The following CENPP variants were observed in gnomAD, a reference collection of about 807,000 sequenced individuals.
CENPP encodes centromere protein P.
A neutral mutation model predicts 35.6 loss-of-function variants in CENPP; 24 were observed. The observed-to-expected ratio is 0.67, with a 90% confidence interval of 0.49 to 0.95. The LOEUF (loss-of-function observed/expected upper bound fraction) is 0.95, where lower values mean the gene tolerates loss of function less well. Among genes scored for constraint, CENPP ranks in the 40% least tolerant of loss-of-function variants. CENPP has a pLI of 0.00. For missense variants in CENPP, 332 were observed against 345.3 expected (o/e 0.96, Z 0.31); for synonymous variants, 120 against 125.5 (o/e 0.96, Z 0.29).
At chr9:92,473,580 C>A (rs879296644) in intron 5 of CENPP, among the ~76,000 whole-genome samples, 1 of 152,176 alleles carries the variant, frequency 6.6e-6, no homozygotes, top group African/African-American at 2.4e-5. Context: ...TTTCCACAGT[C>A]GTTCTACATG....
At chr9:92,483,479 C>T (rs920851496) in intron 5 of CENPP, among the ~76,000 whole-genome samples, 3 of 152,166 alleles carry the variant, frequency 2.0e-5, no homozygotes, top group Non-Finnish European at 2.9e-5. Flanking sequence ...CTGCCCGCCT[C>T]GGCCTCCCAA....
chr9:92,338,822 T>A (rs1841015838), intron 3 of CENPP, among the ~76,000 whole-genome samples: 1 of 152,156 alleles, frequency 6.6e-6, no homozygotes, highest in Admixed American at 6.5e-5. Flanking sequence ...TCCTTGGGGC[T>A]GGATGATCTT....
At chr9:92,569,196 G>C (rs1051284763) in intron 5 of CENPP, among the ~76,000 whole-genome samples, 2 of 152,112 alleles carry the variant, frequency 1.3e-5, no homozygotes, top group Non-Finnish European at 2.9e-5. Flanking sequence ...TTTTCTTCTA[G>C]GATTATTATG....
intron 5 of CENPP, among the ~76,000 whole-genome samples, chr9:92,452,962 T>G (rs563369097): frequency 5.3e-5 from 8 of 152,346 alleles, no homozygotes; most frequent in East Asian, 1.9e-4. Flanking sequence ...TTATCATTTT[T>G]TATTGCGTCT....
At chr9:92,533,329 ATATATATATATAT>A (rs1314097300) in intron 5 of CENPP, among the ~76,000 whole-genome samples, 2 of 43,536 alleles carry the variant, frequency 4.6e-5, no homozygotes, top group Non-Finnish European at 8.1e-5. Context: ...AAAAAAAAAA[ATATATATATATAT>A]ATATATATAT....
At chr9:92,565,634 G>T (rs1296633812) in intron 5 of CENPP, among the ~76,000 whole-genome samples, 1 of 152,172 alleles carries the variant, frequency 6.6e-6, no homozygotes, top group Non-Finnish European at 1.5e-5. Context: ...CAGACAAAGA[G>T]GTAGGTGACT....
At chr9:92,439,390 A>T (rs987155383) in intron 5 of CENPP, among the ~76,000 whole-genome samples, 1 of 151,970 alleles carries the variant, frequency 6.6e-6, no homozygotes, top group Non-Finnish European at 1.5e-5. Context: ...ATATATTTTT[A>T]AAATATGTGG....
At chr9:92,385,655 A>T (rs761238983) in intron 5 of CENPP, 1 of 1,614,206 alleles carries the variant, frequency 6.2e-7, no homozygotes, top group South Asian at 1.1e-5. Context: ...CTTTTTAAGC[A>T]AATAAAACTG....
chr9:92,554,213 C>T (rs1320850994), intron 5 of CENPP, among the ~76,000 whole-genome samples: 1 of 148,210 alleles, frequency 6.7e-6, no homozygotes, highest in Non-Finnish European at 1.5e-5. Context: ...GACGGAGTTT[C>T]GCTCTTATTG....
At chr9:92,336,145 T>C (rs764946013) in intron 2 of CENPP, among the ~76,000 whole-genome samples, 9 of 152,362 alleles carry the variant, frequency 5.9e-5, no homozygotes, top group African/African-American at 1.2e-4. Context: ...ACTTGTATTA[T>C]AGATTGTTCT....
At chr9:92,496,526 T>C (rs2131135165) in intron 5 of CENPP, 1 of 1,581,186 alleles carries the variant, frequency 6.3e-7, no homozygotes, top group East Asian at 2.3e-5. Context: ...GTCCCAGTAA[T>C]AATCTGCCTT....
intron 5 of CENPP, chr9:92,401,240 TA>T: frequency 1.2e-6 from 1 of 804,170 alleles, no homozygotes. Context: ...TGTTTCTCTG[TA>T]AAATGAAGGG....
intron 5 of CENPP, chr9:92,384,720 A>C (rs1842356090): frequency 6.6e-6 from 1 of 152,122 alleles, no homozygotes; most frequent in Non-Finnish European, 1.5e-5. Flanking sequence ...GCACCACAGA[A>C]TATTCTGTTT....
At chr9:92,329,182 C>CTTT (rs11366828) in intron 1 of CENPP, among the ~76,000 whole-genome samples, 3 of 104,430 alleles carry the variant, frequency 2.9e-5, no homozygotes, top group Admixed American at 9.6e-5. Flanking sequence ...ATATTTATGG[C>CTTT]TTTTTTTTTT....
rs1844394915 is a variant in CENPP, at chr9:92,441,718, CA to C, written c.564+61860del. The stretch of plus-strand genomic sequence containing the variant: ...AGGTTGCAGTGAGCCGAGATCGCGC[CA>C]CTGCACTCCAGCCTAGGTGCCAGAG... On this transcript the variant is annotated intron_variant, in intron 5 of 7. Coordinates refer to ENST00000375587, the MANE Select transcript of CENPP (RefSeq NM_001012267.3). Among the ~76,000 whole-genome samples the C allele has an allele frequency of 2.0e-5, 3 of 152,162 alleles. No homozygotes were observed. The South Asian group carries it at 6.2e-4, about 32-fold the overall frequency.
chr9:92,447,764 T>C (rs2131014919), intron 5 of CENPP, among the ~76,000 whole-genome samples: 1 of 152,190 alleles, frequency 6.6e-6, no homozygotes, highest in African/African-American at 2.4e-5. Flanking sequence ...TGGTTGTCCG[T>C]AGAGATGCAG....
rs2130819747 is a variant in CENPP at position 92,353,893 on chromosome 9, T to C, written c.467+8106T>C. Among the ~76,000 whole-genome samples, 5 of 152,322 alleles carry C rather than the reference T, an allele frequency of 3.3e-5. No individual in the cohort carries two copies. In the South Asian group the frequency reaches 1.0e-3, roughly 32 times the overall value. ...ATATATTGGATGCTGATTCAGAGCA[T>C]ACATGGCCTTCTGGAGAGATTTGCC... On this transcript the variant is annotated intron_variant, in intron 4 of 7. Transcript: ENST00000375587.
rs371838317 is a variant in CENPP at position 92,325,966 on chromosome 9, C to A, written c.-33C>A. On this transcript the variant is annotated 5_prime_UTR_variant, in exon 1 of 8. Transcript: ENST00000375587. Reference sequence around the variant, plus strand: ...AGCGCGCAGGTCGGAGTGACAGCTGCGCTGCCGGCCCGGCTGCGGTCAGCA... The same window carrying A: ...AGCGCGCAGGTCGGAGTGACAGCTGAGCTGCCGGCCCGGCTGCGGTCAGCA... The A allele has an allele frequency of 4.1e-5, 63 of 1,527,442 alleles. No individual in the cohort carries two copies. The African/African-American group carries it at 7.3e-4, about 18-fold the overall frequency. The allele number at this position is 1,527,442 out of a possible 1,614,324, so 94.6% of individuals were successfully genotyped here.
At chr9:92,386,694 T>TC (rs752565317) in intron 5 of CENPP, among the ~76,000 whole-genome samples, 5 of 152,158 alleles carry the variant, frequency 3.3e-5, no homozygotes, top group Non-Finnish European at 7.4e-5. Flanking sequence ...CTCTGGAGTT[T>TC]CCCATCTCAG....
Sources: allele counts gnomAD v4.1 joint callset (sites outside exome capture counted in the v4.1 genomes callset), GRCh38; gene constraint gnomAD v4.1.1; transcripts MANE v1.5; gene names NCBI Gene and HGNC (gene_info 2026-07-23, HGNC 2026-07-21).